ATG10: variants seen among roughly 807,000 people sequenced by gnomAD.
The protein encoded by ATG10 is ubiquitin-like-conjugating enzyme ATG10.
In ATG10, 30 loss-of-function variants were observed where a neutral mutation model predicts 32.1. That is an observed-to-expected ratio of 0.94 (90% CI 0.70 to 1.27). The LOEUF (loss-of-function observed/expected upper bound fraction) is 1.27, where lower values mean the gene tolerates loss of function less well. Ranked by LOEUF, ATG10 falls within the 50% of genes most tolerant of loss-of-function variation. The pLI is 0.00. For synonymous variants in ATG10, 87 were observed against 91.5 expected, an observed-to-expected ratio of 0.95 and a Z score of 0.28; for missense variants, 233 against 262.3, an observed-to-expected ratio of 0.89 and a Z score of 0.77.
intron 2 of ATG10, among the ~76,000 whole-genome samples, chr5:82,008,915 A>G (rs1315445602): frequency 1.3e-5 from 2 of 152,236 alleles, no homozygotes; most frequent in African/African-American, 2.4e-5. Context: ...ATTAATTTAT[A>G]ATAAGTAGAA....
chr5:82,109,155 C>G (rs183781943), intron 3 of ATG10, among the ~76,000 whole-genome samples: 52 of 152,132 alleles, frequency 3.4e-4, no homozygotes, highest in African/African-American at 1.1e-3. Flanking sequence ...CAAACTCTGA[C>G]AGAGATGAGA....
At chr5:81,985,134 T>C (rs554050333) in intron 1 of ATG10, among the ~76,000 whole-genome samples, 119 of 152,360 alleles carry the variant, frequency 7.8e-4, no homozygotes, top group African/African-American at 2.5e-3. Context: ...GTTAAGTAAA[T>C]CTCAAGTAAC....
At chr5:82,073,913 G>C (rs143711901) in intron 3 of ATG10, among the ~76,000 whole-genome samples, 168 of 152,308 alleles carry the variant, frequency 1.1e-3, no homozygotes, top group African/African-American at 3.9e-3. Flanking sequence ...AAATCTTTGT[G>C]TGAGTAGAAT....
chr5:82,023,407 A>G (rs1474481114), intron 2 of ATG10, among the ~76,000 whole-genome samples: 4 of 152,230 alleles, frequency 2.6e-5, no homozygotes, highest in Non-Finnish European at 5.9e-5. Flanking sequence ...TGTCTTTAAC[A>G]GATGCTGTAG....
chr5:82,089,945 C>A (rs1764823923), intron 3 of ATG10, among the ~76,000 whole-genome samples: 1 of 151,722 alleles, frequency 6.6e-6, no homozygotes, highest in Non-Finnish European at 1.5e-5. Flanking sequence ...CTCAAAGAGT[C>A]ACTGAAGGGA....
intron 1 of ATG10, among the ~76,000 whole-genome samples, chr5:81,983,752 G>A (rs899431916): frequency 1.3e-5 from 2 of 150,376 alleles, no homozygotes; most frequent in Admixed American, 6.6e-5. Flanking sequence ...CAGACAGGGC[G>A]GCTGCTGGGC....
chr5:82,108,025 G>A (rs1000101312), intron 3 of ATG10, among the ~76,000 whole-genome samples: 1 of 151,974 alleles, frequency 6.6e-6, no homozygotes, highest in Non-Finnish European at 1.5e-5. Flanking sequence ...GTTATGTACT[G>A]GGAGGTGAGG....
chr5:82,097,835 A>G (rs762328296), intron 3 of ATG10, among the ~76,000 whole-genome samples: 2 of 152,238 alleles, frequency 1.3e-5, no homozygotes, highest in African/African-American at 2.4e-5. Flanking sequence ...ATAATTCACT[A>G]TGGTGTGTGC....
chr5:82,021,935 A>G (rs1182636421), intron 2 of ATG10, among the ~76,000 whole-genome samples: 1 of 151,916 alleles, frequency 6.6e-6, no homozygotes, highest in East Asian at 1.9e-4. Context: ...AGGCAGGAGA[A>G]TCGCTTGAAC....
chr5:82,162,182 T>C (rs745751632), intron 3 of ATG10, among the ~76,000 whole-genome samples: 1 of 152,084 alleles, frequency 6.6e-6, no homozygotes, highest in Non-Finnish European at 1.5e-5. Flanking sequence ...ACAAAGAGTT[T>C]ATATAATTCA....
intron 2 of ATG10, among the ~76,000 whole-genome samples, chr5:82,057,279 G>A (rs1307840612): frequency 6.6e-6 from 1 of 152,148 alleles, no homozygotes; most frequent in Non-Finnish European, 1.5e-5. Flanking sequence ...TCCTAGGAAT[G>A]TTATAACAAG....
intron 3 of ATG10, among the ~76,000 whole-genome samples, chr5:82,105,842 T>C (rs906847044): frequency 1.9e-4 from 29 of 152,166 alleles, no homozygotes; most frequent in African/African-American, 6.3e-4. Context: ...TAAACCCTTG[T>C]TCTTGTTCAC....
chr5:82,240,912 C>A (rs1459587455), intron 5 of ATG10, among the ~76,000 whole-genome samples: 2 of 151,836 alleles, frequency 1.3e-5, no homozygotes, highest in African/African-American at 4.8e-5. Context: ...AAATAACAAT[C>A]TGGAAAGAAA....
chr5:82,236,938 T>C lies in ATG10; in HGVS notation c.454-15624T>C, dbSNP rs1444964437. 2.0e-5 allele frequency among the ~76,000 whole-genome samples: 3 copies of C among 152,182 alleles called. No homozygotes were observed. In the East Asian group the frequency reaches 5.8e-4, roughly 29 times the overall value. The stretch of plus-strand genomic sequence containing the variant: ...TAACATTTTCTCACATTTTTTTCTA[T>C]GTATATTCTCATATACCTATGAGAG... On this transcript the variant is annotated intron_variant, in intron 5 of 7. Coordinates refer to ENST00000282185, the MANE Select transcript of ATG10 (RefSeq NM_031482.5).
chr5:82,059,860 T>C (rs1168888665), intron 3 of ATG10, among the ~76,000 whole-genome samples: 2 of 152,184 alleles, frequency 1.3e-5, no homozygotes, highest in Non-Finnish European at 2.9e-5. Flanking sequence ...GCTTGAATCT[T>C]GATTACTGCT....
rs149655356 is a variant in ATG10 at position 81,987,632 on chromosome 5, A to G, written c.62A>G (p.Lys21Arg). 3.0e-4 allele frequency: 482 copies of G among 1,613,170 alleles called. 2 individuals carry two copies. The African/African-American group carries it at 5.2e-3, about 17-fold the overall frequency. Residue 21 changes from lysine to arginine, a missense_variant, in exon 2 of 8, where the codon AAA becomes AGA. Coordinates refer to ENST00000282185, the MANE Select transcript of ATG10 (RefSeq NM_031482.5). Reference sequence around the variant, plus strand: ...CAACGTTATTGTGCAGAATTCATTAAACATTCACAACAGATAGGTGATAGT... The same window carrying G: ...CAACGTTATTGTGCAGAATTCATTAGACATTCACAACAGATAGGTGATAGT... The part of the protein sequence containing the change: ...TFQRYCAEFI[K>R]HSQQIGDSWE...
At chr5:81,993,365 T>TCCTTCCTTCC (rs1761538686) in intron 2 of ATG10, among the ~76,000 whole-genome samples, 3 of 32,638 alleles carry the variant, frequency 9.2e-5, no homozygotes, top group Non-Finnish European at 1.6e-4. Flanking sequence ...CTTTCCTTCT[T>TCCTTCCTTCC]TTCTTTTCTT....
chr5:82,251,056 G>A (rs988424770), intron 5 of ATG10, among the ~76,000 whole-genome samples: 4 of 152,120 alleles, frequency 2.6e-5, no homozygotes, highest in Non-Finnish European at 5.9e-5. Context: ...TGGCACTCAG[G>A]GAGAAACAAA....
intron 5 of ATG10, among the ~76,000 whole-genome samples, chr5:82,194,552 A>AG (rs1744780848): frequency 1.3e-5 from 2 of 152,182 alleles, no homozygotes; most frequent in African/African-American, 4.8e-5. Flanking sequence ...AAAGTTGCTC[A>AG]GAAAAAAAAA....
Sources: gnomAD v4.1 joint callset for allele counts (sites outside exome capture counted in the v4.1 genomes callset) on GRCh38, gnomAD v4.1.1 for gene constraint, MANE v1.5 for transcripts, NCBI Gene and HGNC (gene_info 2026-07-23, HGNC 2026-07-21) for gene names.